ASTN2: variants seen among roughly 807,000 people sequenced by gnomAD.
ASTN2 encodes astrotactin-2.
A neutral mutation model predicts 139.8 loss-of-function variants in ASTN2; 54 were observed. That is an observed-to-expected ratio of 0.39 (90% CI 0.31 to 0.48). The LOEUF (loss-of-function observed/expected upper bound fraction) is 0.48, where lower values mean the gene tolerates loss of function less well. Ranked by LOEUF, ASTN2 falls within the 20% of genes least tolerant of loss-of-function variation. The pLI is 0.95. For missense variants in ASTN2, 1,565 were observed against 1,725.1 expected, an observed-to-expected ratio of 0.91 and a Z score of 1.64; for synonymous variants, 756 against 719.5, an observed-to-expected ratio of 1.05 and a Z score of -0.81.
chr9:116,436,877 C>T (rs923030657), intron 22 of ASTN2, among the ~76,000 whole-genome samples: 4 of 151,610 alleles, frequency 2.6e-5, no homozygotes, highest in African/African-American at 9.7e-5. Context: ...TACTATGCAG[C>T]CATAAAAAAT....
At chr9:117,053,772 A>G (rs1216905237) in intron 5 of ASTN2, among the ~76,000 whole-genome samples, 1 of 152,228 alleles carries the variant, frequency 6.6e-6, no homozygotes, top group East Asian at 1.9e-4. Context: ...TTGCAGGCCA[A>G]AGAAGACTCT....
chr9:117,365,339 G>C (rs145486679), intron 1 of ASTN2, among the ~76,000 whole-genome samples: 2 of 147,160 alleles, frequency 1.4e-5, no homozygotes, highest in Non-Finnish European at 3.0e-5. Flanking sequence ...GAAAGAAAGA[G>C]AGAAAAGAAA....
chr9:116,853,397 A>T (rs10983376), intron 11 of ASTN2, among the ~76,000 whole-genome samples: 2,174 of 152,300 alleles, frequency 0.014, 22 homozygotes, highest in Non-Finnish European at 0.021. Flanking sequence ...TTCAGAGCTA[A>T]GGAGAAGGTG....
At chr9:117,086,819 T>C (rs1347097367) in intron 5 of ASTN2, among the ~76,000 whole-genome samples, 1 of 152,206 alleles carries the variant, frequency 6.6e-6, no homozygotes, top group Non-Finnish European at 1.5e-5. Context: ...ACCCTTTTTC[T>C]TGAGCCTCTA....
rs1837690869 is a variant in ASTN2 at position 117,016,614 on chromosome 9, AT to A, written c.1424-8356del. Among the ~76,000 whole-genome samples the A allele has an allele frequency of 2.5e-4, 2 of 8,102 alleles. 1 individual carries two copies. Among genetic ancestry groups the A allele is most frequent in the Non-Finnish European group, 4.8e-4 (2 of 4,202 alleles). 5.3% of individuals were successfully genotyped at this position (8,102 alleles called of 152,430 possible). ...GTTTTATATATATATCTATATCTAT[AT>A]CTATCTATCTATATATATATATATA... is the stretch of plus-strand genomic sequence containing the variant. On this transcript the variant is annotated intron_variant, in intron 6 of 22. Coordinates refer to ENST00000313400, the MANE Select transcript of ASTN2 (RefSeq NM_001365068.1).
At chr9:116,639,449 TTTC>T (rs1857225988) in intron 17 of ASTN2, among the ~76,000 whole-genome samples, 1 of 152,224 alleles carries the variant, frequency 6.6e-6, no homozygotes, top group Admixed American at 6.5e-5. Context: ...TGACTTTTTT[TTTC>T]TTCTTAGATT....
At chr9:116,687,097 T>C (rs560377402) in intron 16 of ASTN2, 5 of 1,171,048 alleles carry the variant, frequency 4.3e-6, no homozygotes, top group East Asian at 9.8e-5. Flanking sequence ...CTTTCGCCCA[T>C]GGGCGTCGGT....
chr9:116,967,143 G>C (rs1836034871), intron 10 of ASTN2, among the ~76,000 whole-genome samples: 1 of 152,224 alleles, frequency 6.6e-6, no homozygotes, highest in Non-Finnish European at 1.5e-5. Flanking sequence ...CACCAAGCAA[G>C]TGTGATCAAT....
intron 3 of ASTN2, among the ~76,000 whole-genome samples, chr9:117,190,323 A>T (rs980780051): frequency 6.6e-6 from 1 of 152,202 alleles, no homozygotes; most frequent in Non-Finnish European, 1.5e-5. Context: ...AAAACAAAAC[A>T]AAACATTATG....
chr9:117,186,495 C>T (rs749940727), intron 3 of ASTN2, among the ~76,000 whole-genome samples: 19 of 151,730 alleles, frequency 1.3e-4, no homozygotes, highest in South Asian at 8.4e-4. Flanking sequence ...TGCTGTGAGC[C>T]GAAATCACGC....
intron 19 of ASTN2, among the ~76,000 whole-genome samples, chr9:116,506,631 G>C (rs575902861): frequency 5.3e-5 from 8 of 152,282 alleles, no homozygotes; most frequent in Non-Finnish European, 7.3e-5. Context: ...TTGATAAATA[G>C]AGAGAATGTG....
At chr9:117,186,615 G>A (rs546567031) in intron 3 of ASTN2, among the ~76,000 whole-genome samples, 10 of 152,152 alleles carry the variant, frequency 6.6e-5, no homozygotes, top group South Asian at 4.1e-4. Flanking sequence ...GAACTAAATA[G>A]CCAATCATTT....
intron 17 of ASTN2, among the ~76,000 whole-genome samples, chr9:116,637,656 G>C (rs753645414): frequency 5.9e-5 from 9 of 152,086 alleles, no homozygotes; most frequent in South Asian, 2.1e-4. Flanking sequence ...TATAAAGAAG[G>C]GGCTGGGTAC....
chr9:117,232,762 T>A (rs1465513623), intron 2 of ASTN2, among the ~76,000 whole-genome samples: 2 of 152,220 alleles, frequency 1.3e-5, no homozygotes, highest in African/African-American at 4.8e-5. Context: ...GAAACTCTAT[T>A]GTCTCTTCTC....
At chr9:116,612,366 G>A (rs907255182) in intron 19 of ASTN2, 6 of 152,142 alleles carry the variant, frequency 3.9e-5, no homozygotes, top group African/African-American at 1.4e-4. Context: ...TCTGCACCAA[G>A]CGGACCTAAT....
In ASTN2 at chr9:117,141,399, G is replaced by C. The variant is rs377391261; in HGVS notation, c.1095C>G (p.Ile365Met). The change falls in exon 4 of 23, where the codon ATC becomes ATG. Residue 365 changes from isoleucine (I) to methionine (M), a missense_variant. Coordinates refer to ENST00000313400, the MANE Select transcript of ASTN2 (RefSeq NM_001365068.1). ...FKESFRANTP[I>M]EIGQLQPPLR... ...GGGGTGGTTGCAGCTGACCGATCTCGATGGGCGTGTTAGCGCGGAAACTCT... is the reference window on the plus strand; with the variant it reads ...GGGGTGGTTGCAGCTGACCGATCTCCATGGGCGTGTTAGCGCGGAAACTCT... 5 of 1,367,394 alleles carry C rather than the reference G, an allele frequency of 3.7e-6. No individual in the cohort carries two copies. Among genetic ancestry groups the C allele is most frequent in the Non-Finnish European group, 4.9e-6 (5 of 1,021,842 alleles). The allele number at this position is 1,367,394 out of a possible 1,614,324, so 84.7% of individuals were successfully genotyped here. A position where few individuals can be genotyped will look rare whatever the true frequency, so the allele number is the denominator to read the frequency against.
At chr9:116,979,719 G>A (rs1010335674) in intron 7 of ASTN2, among the ~76,000 whole-genome samples, 1 of 152,108 alleles carries the variant, frequency 6.6e-6, no homozygotes, top group African/African-American at 2.4e-5. Context: ...TCTGGCAAAG[G>A]AGCAGGAAGT....
intron 7 of ASTN2, among the ~76,000 whole-genome samples, chr9:117,005,735 T>TTC (rs150957099): frequency 0.016 from 2,379 of 149,238 alleles, 36 homozygotes; most frequent in South Asian, 0.068. Flanking sequence ...CAGTACATAC[T>TTC]TCTCTCTCTC....
At chr9:117,119,100 T>A (rs1186832340) in intron 4 of ASTN2, among the ~76,000 whole-genome samples, 3 of 152,218 alleles carry the variant, frequency 2.0e-5, no homozygotes, top group Non-Finnish European at 4.4e-5. Flanking sequence ...ATTCAATAAA[T>A]ACTTGTTGAA....
Sources: gnomAD v4.1 joint callset for allele counts (sites outside exome capture counted in the v4.1 genomes callset) on GRCh38, gnomAD v4.1.1 for gene constraint, MANE v1.5 for transcripts, NCBI Gene and HGNC (gene_info 2026-07-23, HGNC 2026-07-21) for gene names.